RNF6: variants seen among roughly 807,000 people sequenced by gnomAD.
RNF6 encodes the protein E3 ubiquitin-protein ligase RNF6.
A neutral mutation model predicts 50.1 loss-of-function variants in RNF6; 21 were observed. The ratio of observed to expected loss-of-function variants is 0.42; its 90% CI spans 0.30 to 0.60. The LOEUF (loss-of-function observed/expected upper bound fraction) is 0.60, where lower values mean the gene tolerates loss of function less well. RNF6 is among the 20% of genes least tolerant of loss of function. The pLI is 0.20. For synonymous variants in RNF6, 255 were observed against 291.8 expected (o/e 0.87, Z 1.29); for missense variants, 698 against 838.2 (o/e 0.83, Z 2.07).
chr13:26,138,316 G>T (rs750686155), intron 5 of RNF6, among the ~76,000 whole-genome samples: 4 of 152,098 alleles, frequency 2.6e-5, no homozygotes, highest in Non-Finnish European at 4.4e-5. Flanking sequence ...ACTGAGAGAC[G>T]TTGTCACTAA....
At chr13:26,212,294 C>T (rs1167801729), downstream of RNF6, among the ~76,000 whole-genome samples, 1 of 152,132 alleles carries the variant, frequency 6.6e-6, no homozygotes, top group Non-Finnish European at 1.5e-5. Flanking sequence ...TGAAATCAAC[C>T]TTCCCAGTCT....
At chr13:26,178,281 A>G (rs1873060859) in intron 5 of RNF6, among the ~76,000 whole-genome samples, 1 of 152,230 alleles carries the variant, frequency 6.6e-6, no homozygotes, top group African/African-American at 2.4e-5. Context: ...AAGCCCATCA[A>G]GATCCCAGCA....
At chr13:26,153,050 G>A (rs1223815633) in intron 5 of RNF6, among the ~76,000 whole-genome samples, 2 of 151,874 alleles carry the variant, frequency 1.3e-5, no homozygotes, top group Non-Finnish European at 2.9e-5. Context: ...CTACTTACGA[G>A]GCTGAGGCAG....
chr13:26,181,788 C>T (rs1375268024), intron 5 of RNF6, among the ~76,000 whole-genome samples: 1 of 152,206 alleles, frequency 6.6e-6, no homozygotes, highest in Non-Finnish European at 1.5e-5. Context: ...TGGGATGCTA[C>T]AGGTTCTTAA....
rs536023428 is a variant in RNF6 at position 26,193,796 on chromosome 13, G to A, written n.768+21678C>T. Among the ~76,000 whole-genome samples the A allele has an allele frequency of 7.3e-4, 111 of 152,324 alleles. 1 individual carries two copies. The highest frequency in any genetic ancestry group is 3.4e-3 in the Middle Eastern group (1 of 294). On this transcript the variant is annotated intron_variant and non_coding_transcript_variant, in intron 5 of 5. Transcript: ENST00000468480. The stretch of plus-strand genomic sequence containing the variant: ...TTTGCTGGATGGTTGAAGAATGGTT[G>A]ATTGAACAAATGGAAGGGTTGATCT...
chr13:26,178,527 C>G (rs1367978666), intron 5 of RNF6, among the ~76,000 whole-genome samples: 3 of 150,612 alleles, frequency 2.0e-5, no homozygotes, highest in Non-Finnish European at 4.4e-5. Flanking sequence ...TGGGGGAGGG[C>G]ACCCAAAAAC....
exon 6 of RNF6, chr13:26,132,344 G>T: frequency 2.4e-6 from 1 of 421,226 alleles, no homozygotes; most frequent in East Asian, 7.1e-5. Flanking sequence ...TAGGCTCCAG[G>T]TTCCAGCGAA....
intron 5 of RNF6, among the ~76,000 whole-genome samples, chr13:26,162,314 T>A (rs1047093133): frequency 3.3e-5 from 5 of 152,296 alleles, no homozygotes; most frequent in African/African-American, 1.2e-4. Flanking sequence ...CTGGTCACCA[T>A]GCCCTGCCCT....
chr13:26,132,711 T>C (rs1870454843), intron 5 of RNF6, among the ~76,000 whole-genome samples: 1 of 152,194 alleles, frequency 6.6e-6, no homozygotes, highest in Admixed American at 6.5e-5. Context: ...ACTGAAAGTA[T>C]TGTTTTTGAA....
At chr13:26,202,184 C>T (rs1482514625) in intron 5 of RNF6, among the ~76,000 whole-genome samples, 1 of 152,182 alleles carries the variant, frequency 6.6e-6, no homozygotes, top group Non-Finnish European at 1.5e-5. Flanking sequence ...CTCTCTATTT[C>T]TGTTTCTTCC....
At chr13:26,166,514 T>C (rs968919228) in intron 5 of RNF6, among the ~76,000 whole-genome samples, 1 of 152,128 alleles carries the variant, frequency 6.6e-6, no homozygotes, top group Non-Finnish European at 1.5e-5. Context: ...AGTTTCAGGA[T>C]ACAAAATCAG....
intron 5 of RNF6, among the ~76,000 whole-genome samples, chr13:26,193,642 G>T (rs1177783962): frequency 6.6e-6 from 1 of 151,710 alleles, no homozygotes; most frequent in Non-Finnish European, 1.5e-5. Flanking sequence ...TGGAGAGAGG[G>T]TAAGGTAGTT....
chr13:26,205,252 A>G (rs1869063019), intron 5 of RNF6, among the ~76,000 whole-genome samples: 1 of 151,954 alleles, frequency 6.6e-6, no homozygotes, highest in Non-Finnish European at 1.5e-5. Flanking sequence ...AGAACTTTAC[A>G]AAAGTCTTTG....
At chr13:26,199,012 T>C (rs1157134526) in intron 5 of RNF6, among the ~76,000 whole-genome samples, 1 of 151,968 alleles carries the variant, frequency 6.6e-6, no homozygotes, top group Non-Finnish European at 1.5e-5. Flanking sequence ...ACCATATTGA[T>C]AGGTTAGAAG....
intron 5 of RNF6, among the ~76,000 whole-genome samples, chr13:26,177,042 C>G (rs1163426499): frequency 1.3e-5 from 2 of 152,146 alleles, no homozygotes; most frequent in Non-Finnish European, 2.9e-5. Context: ...GATGGGTCTA[C>G]AAGCCAAGAA....
At chr13:26,169,229 T>C (rs1293253387) in intron 5 of RNF6, among the ~76,000 whole-genome samples, 1 of 151,834 alleles carries the variant, frequency 6.6e-6, no homozygotes, top group African/African-American at 2.4e-5. Flanking sequence ...AGACTCTAGG[T>C]GGGCATCCAG....
intron 5 of RNF6, among the ~76,000 whole-genome samples, chr13:26,141,323 G>A (rs1870936057): frequency 6.6e-6 from 1 of 151,792 alleles, no homozygotes; most frequent in Admixed American, 6.6e-5. Context: ...AGCTACTCAG[G>A]AGGCTGAGGC....
At chr13:26,160,004 G>A (rs1247472012) in intron 5 of RNF6, among the ~76,000 whole-genome samples, 1 of 152,084 alleles carries the variant, frequency 6.6e-6, no homozygotes, top group Non-Finnish European at 1.5e-5. Context: ...TCAAAATGAT[G>A]TCTATGATAT....
chr13:26,211,420 G>C (rs1172034305), downstream of RNF6, among the ~76,000 whole-genome samples: 4 of 151,658 alleles, frequency 2.6e-5, no homozygotes, highest in Non-Finnish European at 5.9e-5. Flanking sequence ...TTTTCCTATT[G>C]CATCAGGCCC....
Sources: allele counts gnomAD v4.1 joint callset (sites outside exome capture counted in the v4.1 genomes callset), GRCh38; gene constraint gnomAD v4.1.1; transcripts MANE v1.5; gene names NCBI Gene and HGNC (gene_info 2026-07-23, HGNC 2026-07-21).